Variants in PRKD1 observed in about 807,000 individuals in gnomAD.
PRKD1 encodes the protein serine/threonine-protein kinase D1.
Under a neutral mutation model 95.9 loss-of-function variants are expected in PRKD1, and 63 were observed. The observed-to-expected ratio is 0.66, with a 90% CI of 0.54 to 0.81. The LOEUF is 0.81. PRKD1 is among the 30% of genes least tolerant of loss of function. PRKD1 has a pLI of 0.00. For missense variants in PRKD1, 1,048 were observed against 1,165.3 expected, an observed-to-expected ratio of 0.90 and a Z score of 1.47; for synonymous variants, 425 against 423.1, an observed-to-expected ratio of 1.00 and a Z score of -0.05.
chr14:29,600,810 C>T lies in PRKD1; in HGVS notation c.1906-993G>A, dbSNP rs45611243. Among the ~76,000 whole-genome samples, 1,370 of 152,156 alleles carry T rather than the reference C, an allele frequency of 9.0e-3. 20 individuals are homozygous for T. The highest frequency in any genetic ancestry group is 0.032 in the African/African-American group (1,316 of 41,490). Reference sequence around the variant, plus strand: ...AAGTAAAATTACGCTTAGCATTAGACGATCTCTTGTAATAATGCTTAAATC... The same window carrying T: ...AAGTAAAATTACGCTTAGCATTAGATGATCTCTTGTAATAATGCTTAAATC... On this transcript the variant is annotated intron_variant, in intron 13 of 17. Transcript: ENST00000331968.
chr14:29,737,884 A>G (rs1476182716), intron 1 of PRKD1, among the ~76,000 whole-genome samples: 1 of 152,198 alleles, frequency 6.6e-6, no homozygotes, highest in East Asian at 1.9e-4. Flanking sequence ...TCACCCTTAC[A>G]ATTTTTAAAA....
chr14:29,842,412 T>C (rs763133749), intron 1 of PRKD1, among the ~76,000 whole-genome samples: 3 of 152,254 alleles, frequency 2.0e-5, no homozygotes, highest in South Asian at 2.1e-4. Flanking sequence ...TGCTATATCA[T>C]TAAGATAGTT....
intron 1 of PRKD1, among the ~76,000 whole-genome samples, chr14:29,831,642 T>C (rs1394515093): frequency 2.0e-5 from 3 of 152,094 alleles, no homozygotes; most frequent in African/African-American, 7.2e-5. Flanking sequence ...CTAATTTTTG[T>C]ATTTTTAGTA....
chr14:29,814,255 T>C (rs905898102), intron 1 of PRKD1, among the ~76,000 whole-genome samples: 1 of 152,198 alleles, frequency 6.6e-6, no homozygotes, highest in Non-Finnish European at 1.5e-5. Flanking sequence ...AATTAATCAT[T>C]GCCAACCCCA....
chr14:29,727,634 C>T (rs1239669248), intron 1 of PRKD1, among the ~76,000 whole-genome samples: 1 of 151,116 alleles, frequency 6.6e-6, no homozygotes, highest in Non-Finnish European at 1.5e-5. Context: ...TTTCCCAGCA[C>T]CATTTATTAA....
intron 4 of PRKD1, among the ~76,000 whole-genome samples, chr14:29,661,119 C>T (rs1882162851): frequency 6.6e-6 from 1 of 152,054 alleles, no homozygotes; most frequent in African/African-American, 2.4e-5. Flanking sequence ...AATTTCTGTG[C>T]CCAAATGGAT....
In PRKD1 at chr14:29,655,924, A is replaced by AAT. The variant is rs573500211; in HGVS notation, c.696+7773_696+7774dup. On this transcript the variant is annotated intron_variant, in intron 4 of 17. Transcript: ENST00000331968. ...CCCTAGAACTTAAAGTATAATAAAA[A>AAT]ATATATATATATATTAAAAAAAGAA... Among the ~76,000 whole-genome samples, 807 of 149,584 alleles carry AAT rather than the reference A, an allele frequency of 5.4e-3. 5 individuals carry two copies. The highest frequency in any genetic ancestry group is 0.018 in the African/African-American group (719 of 41,006).
intron 12 of PRKD1, among the ~76,000 whole-genome samples, chr14:29,624,465 G>T (rs1430181894): frequency 6.6e-6 from 1 of 151,982 alleles, no homozygotes; most frequent in South Asian, 2.1e-4. Context: ...CCATAATTTA[G>T]AACGCAAAAG....
intron 2 of PRKD1, among the ~76,000 whole-genome samples, chr14:29,719,410 ACTG>A (rs1277383182): frequency 2.6e-5 from 4 of 152,222 alleles, no homozygotes; most frequent in Non-Finnish European, 4.4e-5. Flanking sequence ...CCTGAAGCTC[ACTG>A]CTACTTTTGC....
intron 1 of PRKD1, among the ~76,000 whole-genome samples, chr14:29,858,883 G>C (rs1432112152): frequency 1.3e-5 from 2 of 152,070 alleles, no homozygotes; most frequent in South Asian, 2.1e-4. Flanking sequence ...ATAACCTATT[G>C]CACCTATAAG....
At chr14:29,601,009 GAACT>G (rs1893497325) in intron 13 of PRKD1, among the ~76,000 whole-genome samples, 1 of 151,472 alleles carries the variant, frequency 6.6e-6, no homozygotes, top group African/African-American at 2.4e-5. Flanking sequence ...AAAAAAGCAG[GAACT>G]AACTTAAATG....
intron 1 of PRKD1, among the ~76,000 whole-genome samples, chr14:29,865,624 T>C (rs1892869732): frequency 6.6e-6 from 1 of 152,202 alleles, no homozygotes; most frequent in African/African-American, 2.4e-5. Context: ...GCCCTCACCA[T>C]ATGTCAATGC....
chr14:29,901,945 G>A (rs780005833), intron 1 of PRKD1, among the ~76,000 whole-genome samples: 34 of 152,284 alleles, frequency 2.2e-4, no homozygotes, highest in Middle Eastern at 3.4e-3. Context: ...CCAAAGCTTA[G>A]AACAGAGTTT....
At chr14:29,796,102 T>A (rs1316157730) in intron 1 of PRKD1, among the ~76,000 whole-genome samples, 1 of 152,158 alleles carries the variant, frequency 6.6e-6, no homozygotes, top group East Asian at 1.9e-4. Context: ...AAATGACATC[T>A]CCCATTGGAT....
intron 1 of PRKD1, among the ~76,000 whole-genome samples, chr14:29,886,265 C>T (rs1293841748): frequency 6.6e-6 from 1 of 152,184 alleles, no homozygotes; most frequent in African/African-American, 2.4e-5. Flanking sequence ...CAGAGTTTAC[C>T]TGGTATGTTC....
intron 2 of PRKD1, among the ~76,000 whole-genome samples, chr14:29,681,115 A>G (rs1883517580): frequency 6.6e-6 from 1 of 152,244 alleles, no homozygotes; most frequent in Non-Finnish European, 1.5e-5. Context: ...AACTTCTTCC[A>G]TTATTTAAAA....
rs542174643 is a variant in PRKD1 at position 29,862,177 on chromosome 14, C to G, written c.264+65072G>C. 6.6e-5 allele frequency among the ~76,000 whole-genome samples: 10 copies of G among 152,248 alleles called. No individual in the cohort carries two copies. The South Asian group carries it at 1.7e-3, about 25-fold the overall frequency. The stretch of plus-strand genomic sequence containing the variant: ...TTATTTCACTTAACATAATGACCAC[C>G]AGTTCCACCCATGTTGTTCCAAATG... On this transcript the variant is annotated intron_variant, in intron 1 of 17. Transcript: ENST00000331968.
At chr14:29,801,810 T>A (rs1464997713) in intron 1 of PRKD1, among the ~76,000 whole-genome samples, 1 of 152,198 alleles carries the variant, frequency 6.6e-6, no homozygotes, top group African/African-American at 2.4e-5. Context: ...TGCCTCAGCA[T>A]CCCCAGTAGC....
intron 13 of PRKD1, among the ~76,000 whole-genome samples, 172 bp from the exon 14 acceptor site, chr14:29,599,989 T>G (rs2139015431): frequency 6.6e-6 from 1 of 152,306 alleles, no homozygotes; most frequent in African/African-American, 2.4e-5. Flanking sequence ...AATTCTAATG[T>G]CTCCAAAAAA....
Sources: allele counts gnomAD v4.1 joint callset (sites outside exome capture counted in the v4.1 genomes callset), GRCh38; gene constraint gnomAD v4.1.1; transcripts MANE v1.5; gene names NCBI Gene and HGNC (gene_info 2026-07-23, HGNC 2026-07-21).